CENPP: variants seen among roughly 807,000 people sequenced by gnomAD.
CENPP encodes the protein centromere protein P.
In CENPP, 24 loss-of-function variants were observed where a neutral mutation model predicts 35.6. That is an observed-to-expected ratio of 0.67 (90% CI 0.49 to 0.95). The LOEUF (loss-of-function observed/expected upper bound fraction) is 0.95. Ranked by LOEUF, CENPP falls within the 40% of genes least tolerant of loss-of-function variation. The pLI is 0.00. For missense variants in CENPP, 332 were observed against 345.3 expected (o/e 0.96, Z 0.31); for synonymous variants, 120 against 125.5 (o/e 0.96, Z 0.29).
chr9:92,488,284 T>A (rs893248892), intron 5 of CENPP, among the ~76,000 whole-genome samples: 1 of 152,188 alleles, frequency 6.6e-6, no homozygotes, highest in South Asian at 2.1e-4. Flanking sequence ...GCTAAATAAT[T>A]GGAGCAGATA....
At chr9:92,390,286 G>C (rs1842617563) in intron 5 of CENPP, among the ~76,000 whole-genome samples, 1 of 152,116 alleles carries the variant, frequency 6.6e-6, no homozygotes. Context: ...AGGTTTGAAA[G>C]TGATCTTAAA....
chr9:92,600,510 T>A (rs1227273872), intron 5 of CENPP: 1 of 1,612,778 alleles, frequency 6.2e-7, no homozygotes, highest in Admixed American at 1.7e-5. Context: ...GGAGATGAGG[T>A]AAGTGCTGAG....
In CENPP at chr9:92,509,988, A is replaced by G. The variant is rs1588202278; in HGVS notation, c.565-101326A>G. 1.2e-6 allele frequency: 2 copies of G among 1,609,946 alleles called. No individual in the cohort carries two copies. The stretch of plus-strand genomic sequence containing the variant: ...AGATGGCAATTGTGAAGGAATCTGT[A>G]TCAAATTATTTCCATCCATATTCAA... On this transcript the variant is annotated intron_variant, in intron 5 of 7. Transcript: ENST00000375587.
At chr9:92,470,283 G>A (rs1248491447) in intron 5 of CENPP, among the ~76,000 whole-genome samples, 1 of 152,216 alleles carries the variant, frequency 6.6e-6, no homozygotes, top group African/African-American at 2.4e-5. Context: ...GTGTGCTGCT[G>A]TTAGAGATTT....
chr9:92,615,207 T>C lies in CENPP; in HGVS notation c.*2058T>C, dbSNP rs1851395967. 1 of 152,490 alleles carries C rather than the reference T, an allele frequency of 6.6e-6. No homozygotes were observed. Among genetic ancestry groups the C allele is most frequent in the African/African-American group, 2.4e-5 (1 of 41,370 alleles). 9.4% of individuals were successfully genotyped at this position (152,490 alleles called of 1,614,324 possible). On this transcript the variant is annotated 3_prime_UTR_variant, in exon 8 of 8. Coordinates refer to ENST00000375587, the MANE Select transcript of CENPP (RefSeq NM_001012267.3). ...GTGGTGTCCATCCTGACCTGAGCCT[T>C]GCGCTCCCTGCTGCCCTGTGTGGAA...
chr9:92,546,415 C>G (rs1021236129), intron 5 of CENPP, among the ~76,000 whole-genome samples: 1 of 152,182 alleles, frequency 6.6e-6, no homozygotes, highest in African/African-American at 2.4e-5. Flanking sequence ...TCCACGCTGA[C>G]TTTATGAGCT....
At chr9:92,430,611 C>T (rs1423149473) in intron 5 of CENPP, among the ~76,000 whole-genome samples, 1 of 152,036 alleles carries the variant, frequency 6.6e-6, no homozygotes, top group Non-Finnish European at 1.5e-5. Context: ...CCTCTTCGGC[C>T]TCCCAAAGTT....
chr9:92,540,642 G>A (rs1483377644), intron 5 of CENPP, among the ~76,000 whole-genome samples: 5 of 151,448 alleles, frequency 3.3e-5, no homozygotes, highest in African/African-American at 1.2e-4. Context: ...ATGGTGGCAC[G>A]CGCCTGTAGT....
chr9:92,483,232 CT>C (rs1380862828), intron 5 of CENPP, among the ~76,000 whole-genome samples: 230 of 142,662 alleles, frequency 1.6e-3, no homozygotes, highest in Middle Eastern at 7.3e-3. Context: ...GGACAGTTTT[CT>C]TTTTTTTTTT....
At chr9:92,552,463 A>G (rs935056063) in intron 5 of CENPP, among the ~76,000 whole-genome samples, 1 of 152,150 alleles carries the variant, frequency 6.6e-6, no homozygotes, top group Non-Finnish European at 1.5e-5. Flanking sequence ...TCCCACCAGC[A>G]GTGTAGAAGT....
At chr9:92,473,084 G>C (rs1254906072) in intron 5 of CENPP, among the ~76,000 whole-genome samples, 1 of 152,182 alleles carries the variant, frequency 6.6e-6, no homozygotes, top group Non-Finnish European at 1.5e-5. Flanking sequence ...GGTGGATTTT[G>C]TTTACTAGAG....
intron 5 of CENPP, among the ~76,000 whole-genome samples, chr9:92,383,134 G>A (rs957079023): frequency 6.6e-6 from 1 of 151,980 alleles, no homozygotes; most frequent in Non-Finnish European, 1.5e-5. Context: ...CTGACCTCAA[G>A]TAATCCACCC....
chr9:92,592,540 T>C (rs1850690612), intron 5 of CENPP, among the ~76,000 whole-genome samples: 1 of 152,232 alleles, frequency 6.6e-6, no homozygotes, highest in Non-Finnish European at 1.5e-5. Flanking sequence ...AAAGTCTTTA[T>C]CCATCATACT....
intron 5 of CENPP, chr9:92,459,861 G>A (rs1845032202): frequency 9.0e-7 from 1 of 1,107,222 alleles, no homozygotes. Context: ...TAGAATATAA[G>A]CCTGTCCTAT....
chr9:92,457,360 C>T, intron 5 of CENPP: 10 of 1,613,972 alleles, frequency 6.2e-6, no homozygotes, highest in Non-Finnish European at 8.5e-6. Context: ...GTTGCATTTC[C>T]CAGTATTTCA....
chr9:92,353,224 T>C lies in CENPP; in HGVS notation c.467+7437T>C, dbSNP rs557267621. On this transcript the variant is annotated intron_variant, in intron 4 of 7. Coordinates refer to ENST00000375587, the MANE Select transcript of CENPP (RefSeq NM_001012267.3). ...TATTTTTAACGAAAGAAGAAGGAAG[T>C]ACTCATGACAATTACAGTCCCCGTT... Among the ~76,000 whole-genome samples the C allele has an allele frequency of 1.7e-4, 26 of 152,216 alleles. No individual in the cohort carries two copies. In the East Asian group the frequency reaches 2.7e-3, roughly 16 times the overall value.
At chr9:92,415,339 A>G (rs1473856395) in intron 5 of CENPP, 1 of 1,613,630 alleles carries the variant, frequency 6.2e-7, no homozygotes, top group South Asian at 1.1e-5. Flanking sequence ...ACCATAATAA[A>G]TAGTGTGTAT....
chr9:92,341,924 G>A (rs1841133499), intron 3 of CENPP, among the ~76,000 whole-genome samples: 1 of 152,252 alleles, frequency 6.6e-6, no homozygotes, highest in African/African-American at 2.4e-5. Flanking sequence ...TAGCTCACAT[G>A]CTGAATGAAT....
At chr9:92,554,307 C>T (rs1849674732) in intron 5 of CENPP, among the ~76,000 whole-genome samples, 1 of 152,000 alleles carries the variant, frequency 6.6e-6, no homozygotes, top group Non-Finnish European at 1.5e-5. Flanking sequence ...CCTCAGCTTC[C>T]CCAGTAGCTG....
Sources: gnomAD v4.1 joint callset for allele counts (sites outside exome capture counted in the v4.1 genomes callset) on GRCh38, gnomAD v4.1.1 for gene constraint, MANE v1.5 for transcripts, NCBI Gene and HGNC (gene_info 2026-07-23, HGNC 2026-07-21) for gene names.